The following MYT1L variants were observed in gnomAD, a reference collection of about 807,000 sequenced individuals.
The protein encoded by MYT1L is myelin transcription factor 1-like protein.
In MYT1L, 12 loss-of-function variants were observed where a neutral mutation model predicts 126.7. The ratio of observed to expected loss-of-function variants is 0.09; its 90% CI spans 0.06 to 0.15. The LOEUF (loss-of-function observed/expected upper bound fraction) is 0.15. MYT1L is among the 10% of genes least tolerant of loss of function. MYT1L has a pLI of 1.00. For missense variants in MYT1L, 979 were observed against 1,585.2 expected (o/e 0.62, Z 6.49); for synonymous variants, 541 against 604.2 (o/e 0.90, Z 1.53).
intron 3 of MYT1L, among the ~76,000 whole-genome samples, chr2:2,165,944 A>G (rs997747828): frequency 3.9e-5 from 6 of 152,084 alleles, no homozygotes; most frequent in Non-Finnish European, 1.5e-5. Flanking sequence ...GTAAAAAAAT[A>G]AAATCTTTTA....
chr2:1,893,386 T>C (rs1446004982), intron 14 of MYT1L, among the ~76,000 whole-genome samples: 1 of 152,170 alleles, frequency 6.6e-6, no homozygotes, highest in East Asian at 1.9e-4. Flanking sequence ...CCTCCGTCAG[T>C]GAGCCCCTCC....
At chr2:2,238,548 G>A (rs1042803082) in intron 2 of MYT1L, among the ~76,000 whole-genome samples, 9 of 152,204 alleles carry the variant, frequency 5.9e-5, no homozygotes, top group African/African-American at 2.2e-4. Context: ...GGTGACACCC[G>A]AGGAGAGTTG....
At position 1,791,924 on chromosome 2, in the gene MYT1L, T is replaced by A. The variant is rs1449964679; in HGVS notation, c.3504A>T (p.Pro1168=). ...MYTNQDRYQS[P]ENKALLENIK... ...TATTTTCCAGTAGGGCTTTATTTTC[T>A]GGACTCTGATAACGATCTTGATTTG... Residue 1168 remains proline, a synonymous_variant, in exon 25 of 25, where the codon CCA becomes CCT. Coordinates refer to ENST00000647738, the MANE Select transcript of MYT1L (RefSeq NM_001303052.2). The surrounding 1 kb of genome is among the most constrained non-coding windows in gnomAD (Gnocchi z 6.0). The A allele has an allele frequency of 6.2e-7, 1 of 1,612,008 alleles. No individual in the cohort carries two copies. The highest frequency in any genetic ancestry group is 1.3e-5 in the African/African-American group (1 of 74,900).
At chr2:1,945,360 G>T (rs1176798686) in intron 8 of MYT1L, among the ~76,000 whole-genome samples, 2 of 152,188 alleles carry the variant, frequency 1.3e-5, no homozygotes, top group Admixed American at 1.3e-4. Flanking sequence ...TGTTCAGGTG[G>T]GGACTGGGAT....
chr2:2,184,408 C>T (rs1016443529), intron 2 of MYT1L, among the ~76,000 whole-genome samples: 1 of 152,094 alleles, frequency 6.6e-6, no homozygotes, highest in Non-Finnish European at 1.5e-5. Flanking sequence ...GGACGAAGGC[C>T]CTCAGTGCTT....
intron 22 of MYT1L, among the ~76,000 whole-genome samples, chr2:1,807,666 A>G (rs187087014): frequency 6.6e-6 from 1 of 152,304 alleles, no homozygotes; most frequent in Admixed American, 6.5e-5. Flanking sequence ...AGTCTGCTCA[A>G]TGGCTACAGG....
intron 5 of MYT1L, 131 bp downstream of exon 5, chr2:1,997,060 G>A (rs1487875306): frequency 7.2e-6 from 1 of 139,012 alleles, no homozygotes; most frequent in African/African-American, 2.8e-5. Flanking sequence ...CCTTTACCTA[G>A]TGAGTGAGGG....
rs1553355524 is a variant in MYT1L, at chr2:1,956,549, C to CT, written c.153-13216_153-13215insA. 2.6e-4 allele frequency among the ~76,000 whole-genome samples: 36 copies of CT among 139,064 alleles called. 2 individuals carry two copies. The highest frequency in any genetic ancestry group is 5.1e-4 in the Admixed American group (7 of 13,836). 91.2% of individuals were successfully genotyped at this position (139,064 alleles called of 152,430 possible). A position where few individuals can be genotyped will look rare whatever the true frequency, so the allele number is the denominator to read the frequency against. On this transcript the variant is annotated intron_variant, in intron 8 of 24. Coordinates refer to ENST00000647738, the MANE Select transcript of MYT1L (RefSeq NM_001303052.2). ...TCTATCTATCTATCTATCTATCTAT[C>CT]ATCTATCCTATTCTATATTTCCTAT...
chr2:1,927,522 T>G (rs1366274653), intron 9 of MYT1L, among the ~76,000 whole-genome samples: 1 of 151,166 alleles, frequency 6.6e-6, no homozygotes, highest in East Asian at 2.0e-4. Context: ...ATATACAGGC[T>G]TGGCTTCTTA....
intron 4 of MYT1L, among the ~76,000 whole-genome samples, chr2:2,048,160 T>C (rs1189029384): frequency 3.9e-5 from 6 of 152,128 alleles, no homozygotes; most frequent in African/African-American, 1.4e-4. Context: ...CAGTCTGATA[T>C]TCAAAACCAT....
intron 21 of MYT1L, among the ~76,000 whole-genome samples, chr2:1,834,929 A>G (rs1487769355): frequency 3.3e-5 from 4 of 119,802 alleles, no homozygotes; most frequent in African/African-American, 1.8e-4. Flanking sequence ...GGGGATGGAT[A>G]CAGGTACTCC....
At chr2:1,792,938 T>C (rs1243791832) in intron 23 of MYT1L, among the ~76,000 whole-genome samples, 1 of 150,192 alleles carries the variant, frequency 6.7e-6, no homozygotes, top group Non-Finnish European at 1.5e-5. Context: ...AAGGACCTGC[T>C]GCCTATGCTT....
chr2:2,211,823 C>CAAAAAAAA (rs1572502426), intron 2 of MYT1L, among the ~76,000 whole-genome samples: 1 of 113,058 alleles, frequency 8.8e-6, no homozygotes. Flanking sequence ...AAAAAAAAAC[C>CAAAAAAAA]AAACAAAAAA....
chr2:1,873,376 A>C (rs767555230), intron 18 of MYT1L, among the ~76,000 whole-genome samples: 31 of 152,044 alleles, frequency 2.0e-4, no homozygotes, highest in Non-Finnish European at 4.1e-4. Flanking sequence ...AATGACAAAA[A>C]CTCTTGTCAT....
Position 1,922,172 on chromosome 2 carries a change from G to T in MYT1L, c.1483+114C>A. ...TCCTTCTGGAATCAACTCTAAGAAT[G>T]TGCAGTAGAGACATAATTCAGTGTG... On this transcript the variant is annotated intron_variant, in intron 10 of 24. Transcript: ENST00000647738. The surrounding 1 kb of genome is among the most constrained non-coding windows in gnomAD (Gnocchi z 7.4). 7.6e-7 allele frequency: 1 copy of T among 1,319,508 alleles called. No homozygotes were observed. The allele number at this position is 1,319,508 out of a possible 1,614,324, so 81.7% of individuals were successfully genotyped here. A position where few individuals can be genotyped will look rare whatever the true frequency, so the allele number is the denominator to read the frequency against.
intron 3 of MYT1L, among the ~76,000 whole-genome samples, chr2:2,148,031 C>T (rs866086674): frequency 2.0e-5 from 3 of 152,160 alleles, no homozygotes; most frequent in Middle Eastern, 3.2e-3. Context: ...GGCGAGAGGC[C>T]GCCTGAGGAG....
Position 1,930,365 on chromosome 2 carries a change from C to T in MYT1L, c.506-7102G>A, listed in dbSNP as rs532271186. On this transcript the variant is annotated intron_variant, in intron 9 of 24. Transcript: ENST00000647738. The stretch of plus-strand genomic sequence containing the variant: ...CCTGTGGTCCCTGTGGGGGCCCTCT[C>T]TTCTCTGATAACTCATTTGCCTCTT... Among the ~76,000 whole-genome samples the T allele has an allele frequency of 2.0e-5, 3 of 152,372 alleles. No homozygotes were observed. The East Asian group carries it at 5.8e-4, about 29-fold the overall frequency.
intron 5 of MYT1L, among the ~76,000 whole-genome samples, chr2:1,982,245 G>C (rs1269490972): frequency 6.6e-6 from 1 of 152,154 alleles, no homozygotes; most frequent in East Asian, 1.9e-4. Context: ...CATTTCCCGG[G>C]GTCCCCTGCC....
chr2:1,934,262 A>C (rs904922920), intron 9 of MYT1L, among the ~76,000 whole-genome samples: 18 of 148,378 alleles, frequency 1.2e-4, no homozygotes, highest in South Asian at 4.2e-4. Context: ...CGTGGGCCAC[A>C]GCCCCCCGCC....
Sources: allele counts gnomAD v4.1 joint callset (sites outside exome capture counted in the v4.1 genomes callset), GRCh38; gene constraint gnomAD v4.1.1; non-coding constraint Gnocchi (gnomAD v3.1); transcripts MANE v1.5; gene names NCBI Gene and HGNC (gene_info 2026-07-23, HGNC 2026-07-21).